The following SRPX2 variants were observed in gnomAD, a reference collection of about 807,000 sequenced individuals.
SRPX2 encodes sushi repeat-containing protein SRPX2.
SRPX2 carries 26 observed loss-of-function variants against 45.3 expected under a neutral mutation model. That is an observed-to-expected ratio of 0.57 (90% confidence interval 0.42 to 0.80). The LOEUF (loss-of-function observed/expected upper bound fraction) is 0.80, where lower values mean the gene tolerates loss of function less well. Ranked by LOEUF, SRPX2 falls within the 30% of genes least tolerant of loss-of-function variation. The pLI is 0.00. For missense variants in SRPX2, 355 were observed against 399.8 expected, an observed-to-expected ratio of 0.89 and a Z score of 0.95; for synonymous variants, 125 against 143.7, an observed-to-expected ratio of 0.87 and a Z score of 0.93.
chrX:100,660,195 C>T (rs1179679791), intron 3 of SRPX2, among the ~76,000 whole-genome samples: 6 of 111,246 alleles, frequency 5.4e-5, no homozygotes, highest in African/African-American at 2.0e-4. Context: ...TTTTGGTGTA[C>T]AGTTCTGTGA....
In SRPX2 at chrX:100,662,260, T is replaced by C. The variant is rs141168255; in HGVS notation, c.248T>C (p.Leu83Pro). ...AAGGGAGGAAATTATCACAGCAGCC[T>C]GGGCACGCGTTGTGAGCTCTCCTGT... ...SPKGGNYHSS[L>P]GTRCELSCDR... Residue 83 changes from leucine to proline, a missense_variant, in exon 4 of 11, where the codon CTG becomes CCG. Physicochemically the swap from Leu to Pro is moderately conservative, Grantham distance 98. Coordinates refer to ENST00000373004, the MANE Select transcript of SRPX2 (RefSeq NM_014467.3). 223 of 1,210,208 alleles carry C rather than the reference T, an allele frequency of 1.8e-4. No homozygotes were observed. The highest frequency in any genetic ancestry group is 2.2e-4 in the Non-Finnish European group (197 of 895,321).
Position 100,646,336 on chromosome X carries a change from T to C in SRPX2, c.14T>C (p.Leu5Pro), listed in dbSNP as rs756451434. Reference protein sequence around the residue: MASQLTQRGALFLLF... With the variant: MASQPTQRGALFLLF... ...TCCCTTTCAAGGATGGCCAGTCAGC[T>C]AACTCAAAGAGGAGCTCTCTTTCTG... The change falls in exon 2 of 11, where the codon CTA (leucine) becomes CCA (proline). Residue 5 changes from leucine (L) to proline (P), a missense_variant. Transcript: ENST00000373004. 4.1e-6 allele frequency: 5 copies of C among 1,211,183 alleles called. No individual in the cohort carries two copies. The highest frequency in any genetic ancestry group is 5.6e-6 in the Non-Finnish European group (5 of 895,261).
intron 1 of SRPX2, among the ~76,000 whole-genome samples, chrX:100,645,893 A>C (rs924228855): frequency 2.7e-5 from 3 of 111,753 alleles, no homozygotes; most frequent in African/African-American, 9.8e-5. Context: ...TGAATGAATG[A>C]AACCTAATGG....
At chrX:100,668,051 A>G (rs911252838) in intron 9 of SRPX2, among the ~76,000 whole-genome samples, 4 of 111,616 alleles carry the variant, frequency 3.6e-5, no homozygotes, top group Non-Finnish European at 7.5e-5. Flanking sequence ...AGAGAGTTGC[A>G]TGGCAGTTTT....
chrX:100,670,125 G>A (rs1021890195), intron 10 of SRPX2, among the ~76,000 whole-genome samples: 1 of 111,679 alleles, frequency 9.0e-6, no homozygotes, highest in African/African-American at 3.3e-5. Context: ...AAATCCTGGG[G>A]AAGAGAACAT....
intron 2 of SRPX2, among the ~76,000 whole-genome samples, chrX:100,647,828 C>T (rs754147194): frequency 8.9e-6 from 1 of 112,676 alleles, no homozygotes; most frequent in South Asian, 3.7e-4. Context: ...GTGGAACACC[C>T]CACTTCCACG....
At chrX:100,654,467 T>C (rs1180377104) in intron 3 of SRPX2, among the ~76,000 whole-genome samples, 1 of 111,898 alleles carries the variant, frequency 8.9e-6, no homozygotes, top group Non-Finnish European at 1.9e-5. Flanking sequence ...CTCAGTCACA[T>C]GCTCAAAACG....
In SRPX2 at chrX:100,670,883, A is replaced by G. The variant is rs587780466; in HGVS notation, c.1294A>G (p.Met432Val). The G allele has an allele frequency of 1.3e-5, 16 of 1,209,710 alleles. No individual in the cohort carries two copies. Among genetic ancestry groups the G allele is most frequent in the African/African-American group, 3.5e-5 (2 of 57,001 alleles). The change falls in exon 11 of 11, where the codon ATG (methionine) becomes GTG (valine). Residue 432 changes from methionine to valine, a missense_variant. Transcript: ENST00000373004. ...GCAGGGTATTGACCGAGACCGCTAC[A>G]TGGAACCTGTCACCCCCGAGGAAAT... ...DKQGIDRDRY[M>V]EPVTPEEIFT...
chrX:100,668,725 C>T (rs12842251), intron 9 of SRPX2, among the ~76,000 whole-genome samples: 6,751 of 111,417 alleles, frequency 0.061, 185 homozygotes, highest in Non-Finnish European at 0.087. Flanking sequence ...TCCTGGAGAC[C>T]GAGCGAAGGC....
At chrX:100,651,195 G>A (rs1306256173) in intron 3 of SRPX2, 1 of 252,907 alleles carries the variant, frequency 4.0e-6, no homozygotes, top group Admixed American at 5.9e-5. Flanking sequence ...TGGGGGTGAT[G>A]GGGGGGTATA....
In SRPX2 at chrX:100,665,344, G is replaced by T. The variant is rs1449514631; in HGVS notation, c.634G>T (p.Asp212Tyr). Residue 212 changes from aspartate to tyrosine, a missense_variant, in exon 6 of 11, where the codon GAT becomes TAT. By Grantham distance (160) the Asp-to-Tyr change is radical (BLOSUM62 -3). Transcript: ENST00000373004. Reference sequence around the variant, plus strand: ...ATACTGGGACCCACCGTTGGTGAAAGATTCTGCTGATGGTACCATCACCAG... The same window carrying T: ...ATACTGGGACCCACCGTTGGTGAAATATTCTGCTGATGGTACCATCACCAG... ...RVYWDPPLVK[D>Y]SADGTITRVT... 8.3e-7 allele frequency: 1 copy of T among 1,208,650 alleles called. No individual in the cohort carries two copies. The highest frequency in any genetic ancestry group is 1.7e-5 in the African/African-American group (1 of 57,267).
At chrX:100,661,462 A>C (rs2083186810) in intron 3 of SRPX2, among the ~76,000 whole-genome samples, 1 of 112,576 alleles carries the variant, frequency 8.9e-6, no homozygotes, top group African/African-American at 3.2e-5. Flanking sequence ...TTAATTCATT[A>C]ATTTATTTAT....
At chrX:100,665,008 G>T in intron 5 of SRPX2, 58 bp downstream of exon 5, 1 of 1,167,621 alleles carries the variant, frequency 8.6e-7, no homozygotes, top group South Asian at 1.9e-5. Flanking sequence ...GCATTATATC[G>T]ACAAAAGATG....
intron 3 of SRPX2, among the ~76,000 whole-genome samples, chrX:100,661,718 T>C (rs923074236): frequency 8.9e-6 from 1 of 112,087 alleles, no homozygotes; most frequent in Non-Finnish European, 1.9e-5. Flanking sequence ...TGCAGTGAGC[T>C]GAGATTACGC....
intron 3 of SRPX2, chrX:100,651,088 A>T: frequency 2.4e-6 from 1 of 411,240 alleles, no homozygotes; most frequent in South Asian, 3.6e-5. Context: ...TTAAGTATTG[A>T]CTAGTTACTC....
Position 100,646,350 on chromosome X carries a change from G to C in SRPX2, c.28G>C (p.Ala10Pro). The change falls in exon 2 of 11, where the codon GCT becomes CCT. Residue 10 changes from alanine to proline, a missense_variant. Coordinates refer to ENST00000373004, the MANE Select transcript of SRPX2 (RefSeq NM_014467.3). MASQLTQRGALFLLFFLTPA... is the reference protein window; with the variant it reads MASQLTQRGPLFLLFFLTPA... ...GGCCAGTCAGCTAACTCAAAGAGGA[G>C]CTCTCTTTCTGCTGTTCTTCCTAAC... 1 of 1,210,948 alleles carries C rather than the reference G, an allele frequency of 8.3e-7. No homozygotes were observed. The highest frequency in any genetic ancestry group is 3.0e-5 in the East Asian group (1 of 33,826).
At chrX:100,649,738 G>A (rs913861782) in intron 2 of SRPX2, among the ~76,000 whole-genome samples, 2 of 111,195 alleles carry the variant, frequency 1.8e-5, no homozygotes, top group African/African-American at 6.5e-5. Flanking sequence ...AGGAGGAGGC[G>A]AGCTTGTGGC....
At chrX:100,669,416 C>CGGGGGGGGGGGGGTGGGGGGG in intron 10 of SRPX2, 47 bp downstream of exon 10, 1 of 104,451 alleles carries the variant, frequency 9.6e-6, no homozygotes, top group Non-Finnish European at 1.8e-5. Flanking sequence ...GGGGCTGGGG[C>CGGGGGGGGGGGGGTGGGGGGG]GGGGGGAGAA....
intron 2 of SRPX2, among the ~76,000 whole-genome samples, chrX:100,647,383 T>C (rs901793499): frequency 1.1e-4 from 12 of 112,977 alleles, no homozygotes; most frequent in Non-Finnish European, 2.1e-4. Context: ...TCTGTTTGTC[T>C]GGAACAGCTG....
Sources: allele counts gnomAD v4.1 joint callset (sites outside exome capture counted in the v4.1 genomes callset), GRCh38; gene constraint gnomAD v4.1.1; transcripts MANE v1.5; gene names NCBI Gene and HGNC (gene_info 2026-07-23, HGNC 2026-07-21).